The following MAP1B variants were observed in gnomAD, a reference collection of about 807,000 sequenced individuals.
MAP1B encodes microtubule-associated protein 1B.
Under a neutral mutation model 176.1 loss-of-function variants are expected in MAP1B, and 12 were observed. The observed-to-expected ratio is 0.07, with a 90% CI of 0.04 to 0.11. MAP1B has a LOEUF of 0.11. Ranked by LOEUF, MAP1B falls within the 10% of genes least tolerant of loss-of-function variation. The pLI is 1.00. For missense variants in MAP1B, 2,523 were observed against 2,990.5 expected, an observed-to-expected ratio of 0.84 and a Z score of 3.65; for synonymous variants, 1,044 against 1,135.0, an observed-to-expected ratio of 0.92 and a Z score of 1.61.
intron 1 of MAP1B, among the ~76,000 whole-genome samples, chr5:72,111,428 A>C (rs1339843672): frequency 6.6e-6 from 1 of 152,218 alleles, no homozygotes; most frequent in African/African-American, 2.4e-5. Flanking sequence ...TTTAGATAAA[A>C]GTTTAGCTGA....
At position 72,198,574 on chromosome 5, in the gene MAP1B, A is replaced by C; in HGVS notation, c.5219A>C (p.Gln1740Pro). ...PSTSSAHTPS[Q>P]IASPLQEDTL... Reference sequence around the variant, plus strand: ...ACCTCTTCTGCTCATACCCCTTCTCAGATCGCTTCTCCTCTCCAAGAAGAT... The same window carrying C: ...ACCTCTTCTGCTCATACCCCTTCTCCGATCGCTTCTCCTCTCCAAGAAGAT... Residue 1740 changes from glutamine (Q) to proline (P), a missense_variant, in exon 5 of 7, where the codon CAG becomes CCG. Gln to Pro is a moderately conservative substitution (Grantham distance 76). Transcript: ENST00000296755. 6.2e-7 allele frequency: 1 copy of C among 1,613,996 alleles called. No homozygotes were observed. The highest frequency in any genetic ancestry group is 8.5e-7 in the Non-Finnish European group (1 of 1,180,016).
chr5:72,133,022 C>A (rs902472563), intron 2 of MAP1B, among the ~76,000 whole-genome samples: 1 of 152,134 alleles, frequency 6.6e-6, no homozygotes, highest in Non-Finnish European at 1.5e-5. Flanking sequence ...TCATCTAGAA[C>A]CTGGAAGTCA....
At chr5:72,154,891 C>T (rs1024860410) in intron 2 of MAP1B, among the ~76,000 whole-genome samples, 1 of 152,172 alleles carries the variant, frequency 6.6e-6, no homozygotes, top group Non-Finnish European at 1.5e-5. Flanking sequence ...AATCCTTTAT[C>T]TGGGGAACTT....
chr5:72,141,451 A>C (rs1306471028), intron 2 of MAP1B, among the ~76,000 whole-genome samples: 2 of 152,262 alleles, frequency 1.3e-5, no homozygotes, highest in East Asian at 3.8e-4. Context: ...GGTATTGTAT[A>C]GTCAGACCAG....
rs2227916 is a variant in MAP1B at position 72,196,037 on chromosome 5, G to A, written c.2682G>A (p.Glu894=). 6,915 of 1,614,204 alleles carry A rather than the reference G, an allele frequency of 4.3e-3. 267 individuals carry two copies. The African/African-American group carries it at 0.08, about 19-fold the overall frequency. Residue 894 remains glutamate, a synonymous_variant, in exon 5 of 7, where the codon GAG becomes GAA. Transcript: ENST00000296755. The surrounding 1 kb of genome is among the most constrained non-coding windows in gnomAD (Gnocchi z 5.3). ...VTKGPAESPD[E]GITTTEGEGE... is the part of the protein sequence containing the mutation. ...AAGGTCCTGCCGAGTCCCCTGATGA[G>A]GGAATCACTACCACTGAAGGGGAGG...
chr5:72,122,206 C>T (rs776186252), intron 2 of MAP1B, among the ~76,000 whole-genome samples: 2 of 152,106 alleles, frequency 1.3e-5, no homozygotes, highest in Non-Finnish European at 2.9e-5. Flanking sequence ...GCCTTTCTCC[C>T]ACTTGCCCCG....
At chr5:72,154,702 T>G (rs1746198418) in intron 2 of MAP1B, among the ~76,000 whole-genome samples, 1 of 152,178 alleles carries the variant, frequency 6.6e-6, no homozygotes, top group Admixed American at 6.5e-5. Context: ...CTTGGGAAAT[T>G]TAGAAGCTGT....
chr5:72,190,451 G>A (rs1053525743), intron 4 of MAP1B, among the ~76,000 whole-genome samples: 2 of 152,136 alleles, frequency 1.3e-5, no homozygotes, highest in African/African-American at 4.8e-5. Context: ...TCCCAATCCT[G>A]TAGTTTACCC....
intron 2 of MAP1B, among the ~76,000 whole-genome samples, chr5:72,164,567 C>T (rs1459045558): frequency 3.9e-5 from 6 of 152,158 alleles, no homozygotes; most frequent in Non-Finnish European, 8.8e-5. Context: ...TTGCTGGTGC[C>T]AGCTTTCTTG....
At chr5:72,134,388 T>C (rs1355191181) in intron 2 of MAP1B, among the ~76,000 whole-genome samples, 1 of 152,212 alleles carries the variant, frequency 6.6e-6, no homozygotes, top group African/African-American at 2.4e-5. Flanking sequence ...TCCCTTCTTC[T>C]GCAGGGTAAG....
intron 2 of MAP1B, among the ~76,000 whole-genome samples, chr5:72,128,303 G>A (rs1745664408): frequency 6.6e-6 from 1 of 151,970 alleles, no homozygotes; most frequent in Non-Finnish European, 1.5e-5. Flanking sequence ...TTATTTTGAG[G>A]TGGTGTCCTC....
rs758070626 is a variant in MAP1B at position 72,198,218 on chromosome 5, A to G, written c.4863A>G (p.Pro1621=). The G allele has an allele frequency of 1.2e-6, 2 of 1,614,198 alleles. No homozygotes were observed. Among genetic ancestry groups the G allele is most frequent in the South Asian group, 1.1e-5 (1 of 91,076 alleles). Residue 1621 remains proline, a synonymous_variant, in exon 5 of 7, where the codon CCA becomes CCG. Transcript: ENST00000296755. ...EECPRPMSIS[P]PDFSPKTAKS... ...GCCCAAGACCGATGTCAATTTCTCC[A>G]CCAGATTTCTCCCCTAAAACTGCAA...
At position 72,193,969 on chromosome 5, in the gene MAP1B, A is replaced by G. The variant is rs780627606; in HGVS notation, c.614A>G (p.Asn205Ser). The G allele has an allele frequency of 1.2e-6, 2 of 1,614,182 alleles. No homozygotes were observed. Among genetic ancestry groups the G allele is most frequent in the Non-Finnish European group, 1.7e-6 (2 of 1,180,012 alleles). The change falls in exon 5 of 7, where the codon AAT becomes AGT. Residue 205 changes from asparagine to serine, a missense_variant. By Grantham distance (46) the Asn-to-Ser change is conservative. Coordinates refer to ENST00000296755, the MANE Select transcript of MAP1B (RefSeq NM_005909.5). ...AAGAACTCCAATCTTGACAGACACA[A>G]TCTCCAAGACTTCATCAATATTAAA... ...DWKNSNLDRHNLQDFINIKLN... is the reference protein window; with the variant it reads ...DWKNSNLDRHSLQDFINIKLN...
intron 2 of MAP1B, among the ~76,000 whole-genome samples, chr5:72,174,092 T>C (rs1017803972): frequency 1.3e-5 from 2 of 152,228 alleles, no homozygotes; most frequent in Admixed American, 6.5e-5. Context: ...TTTGTACCAC[T>C]GCACTCCAGC....
chr5:72,149,764 G>A (rs890423016), intron 2 of MAP1B, among the ~76,000 whole-genome samples: 1 of 152,212 alleles, frequency 6.6e-6, no homozygotes. Flanking sequence ...CAAAAGGGAA[G>A]AACTTCTCTT....
intron 2 of MAP1B, among the ~76,000 whole-genome samples, chr5:72,152,760 T>C (rs6879689): frequency 0.1 from 15,251 of 152,240 alleles, 816 homozygotes; most frequent in Non-Finnish European, 0.12. Flanking sequence ...GCATTTCTTA[T>C]AAATCAACCA....
At chr5:72,169,916 G>C (rs1471977841) in intron 2 of MAP1B, among the ~76,000 whole-genome samples, 1 of 152,136 alleles carries the variant, frequency 6.6e-6, no homozygotes, top group Non-Finnish European at 1.5e-5. Flanking sequence ...AATATGAGCT[G>C]AACATGTAAG....
chr5:72,130,709 A>G (rs1745715333), intron 2 of MAP1B, among the ~76,000 whole-genome samples: 1 of 152,322 alleles, frequency 6.6e-6, no homozygotes, highest in African/African-American at 2.4e-5. Flanking sequence ...CGGGGGCAGA[A>G]AATCTGAGCT....
At chr5:72,161,620 C>G (rs1263435145) in intron 2 of MAP1B, among the ~76,000 whole-genome samples, 1 of 152,132 alleles carries the variant, frequency 6.6e-6, no homozygotes, top group Non-Finnish European at 1.5e-5. Flanking sequence ...TCAGCTCACA[C>G]TTAGGTTCTG....
Sources: allele counts gnomAD v4.1 joint callset (sites outside exome capture counted in the v4.1 genomes callset), GRCh38; gene constraint gnomAD v4.1.1; non-coding constraint Gnocchi (gnomAD v3.1); transcripts MANE v1.5; gene names NCBI Gene and HGNC (gene_info 2026-07-23, HGNC 2026-07-21).